The following MAP4K4 variants were observed in gnomAD, a reference collection of about 807,000 sequenced individuals.
MAP4K4 encodes the protein mitogen-activated protein kinase kinase kinase kinase 4.
MAP4K4 carries 38 observed loss-of-function variants against 189.6 expected under a neutral mutation model. The observed-to-expected ratio is 0.20, with a 90% CI of 0.15 to 0.26. The LOEUF (loss-of-function observed/expected upper bound fraction) is 0.26, where lower values mean the gene tolerates loss of function less well. MAP4K4 is among the 10% of genes least tolerant of loss of function. The pLI is 1.00. For missense variants in MAP4K4, 1,054 were observed against 1,726.9 expected (o/e 0.61, Z 6.91); for synonymous variants, 610 against 624.3 (o/e 0.98, Z 0.34).
At chr2:101,791,603 T>C (rs1250110151) in intron 3 of MAP4K4, among the ~76,000 whole-genome samples, 1 of 152,212 alleles carries the variant, frequency 6.6e-6, no homozygotes, top group African/African-American at 2.4e-5. Flanking sequence ...ATTGGAGATT[T>C]AGGATAACTT....
At chr2:101,826,411 G>C (rs1329910985) in intron 5 of MAP4K4, among the ~76,000 whole-genome samples, 1 of 152,002 alleles carries the variant, frequency 6.6e-6, no homozygotes, top group Admixed American at 6.6e-5. Context: ...CCCCTAAGAA[G>C]ACTAGTTGTG....
intron 29 of MAP4K4, 78 bp downstream of exon 29, chr2:101,885,365 G>T: frequency 1.2e-6 from 1 of 812,718 alleles, no homozygotes; most frequent in South Asian, 1.7e-5. Context: ...TGTTTAAAAA[G>T]TCTGAATGTT....
chr2:101,819,459 T>C (rs1486226525), intron 3 of MAP4K4, among the ~76,000 whole-genome samples: 1 of 152,262 alleles, frequency 6.6e-6, no homozygotes, highest in African/African-American at 2.4e-5. Context: ...AATTGGACAG[T>C]AAATGACAAT....
At position 101,859,946 on chromosome 2, in the gene MAP4K4, G is replaced by A. The variant is rs1296997911; in HGVS notation, c.1704+82G>A. 4.5e-6 allele frequency: 6 copies of A among 1,328,898 alleles called. No homozygotes were observed. The Admixed American group carries it at 7.9e-5, about 18-fold the overall frequency. 82.3% of individuals were successfully genotyped at this position (1,328,898 alleles called of 1,614,324 possible). On this transcript the variant is annotated intron_variant, in intron 15 of 32. Coordinates refer to ENST00000324219, the Ensembl canonical transcript of MAP4K4. ...TCAGAACTGTGTCATATGAGTTCTA[G>A]AACGGGCCATAGAGTTTAGCTAATT...
At chr2:101,786,414 A>G (rs969089578) in intron 2 of MAP4K4, among the ~76,000 whole-genome samples, 1 of 152,058 alleles carries the variant, frequency 6.6e-6, no homozygotes, top group Non-Finnish European at 1.5e-5. Flanking sequence ...TAAAAAAAAA[A>G]CATACATTTT....
chr2:101,738,804 G>A (rs2149723015), intron 2 of MAP4K4, among the ~76,000 whole-genome samples: 2 of 152,080 alleles, frequency 1.3e-5, no homozygotes, highest in East Asian at 3.9e-4. Flanking sequence ...AAAGATCACT[G>A]TCTGCCTGGC....
intron 2 of MAP4K4, among the ~76,000 whole-genome samples, chr2:101,785,737 T>TCC (rs2090655876): frequency 1.1e-4 from 1 of 9,016 alleles, no homozygotes; most frequent in Non-Finnish European, 1.8e-4. Flanking sequence ...TCTCTCTCTC[T>TCC]CTCTCTCTCT....
intron 1 of MAP4K4, 62 bp from the exon 2 acceptor site, chr2:101,698,411 C>A (rs922352234): frequency 7.0e-7 from 1 of 1,429,468 alleles, no homozygotes. Context: ...AACTGCCTTG[C>A]TTGATTTATT....
chr2:101,874,830 A>G (rs922917172), intron 26 of MAP4K4, among the ~76,000 whole-genome samples: 12 of 152,234 alleles, frequency 7.9e-5, no homozygotes, highest in African/African-American at 2.9e-4. Context: ...TATCATGGAG[A>G]AGTAGAAGAT....
At chr2:101,851,106 T>C (rs1175517540) in intron 12 of MAP4K4, among the ~76,000 whole-genome samples, 1 of 152,206 alleles carries the variant, frequency 6.6e-6, no homozygotes, top group Non-Finnish European at 1.5e-5. Context: ...GATGAAAGCT[T>C]TGCTTTTAAA....
intron 27 of MAP4K4, among the ~76,000 whole-genome samples, chr2:101,879,112 T>C (rs2098298799): frequency 6.7e-6 from 1 of 149,590 alleles, no homozygotes; most frequent in South Asian, 2.1e-4. Context: ...GGAGGATTGC[T>C]TTTGCCTGGG....
chr2:101,871,978 GCT>G (rs2098041434), intron 24 of MAP4K4, among the ~76,000 whole-genome samples: 1 of 152,136 alleles, frequency 6.6e-6, no homozygotes, highest in Non-Finnish European at 1.5e-5. Flanking sequence ...TAAAATGATT[GCT>G]CTGTCCTCAG....
At chr2:101,758,969 T>C (rs1054954962) in intron 2 of MAP4K4, among the ~76,000 whole-genome samples, 1 of 151,576 alleles carries the variant, frequency 6.6e-6, no homozygotes, top group Non-Finnish European at 1.5e-5. Flanking sequence ...GCGTCTCTAC[T>C]AAAAATACAA....
intron 1 of MAP4K4, 82 bp from the exon 2 acceptor site, chr2:101,698,391 T>C: frequency 7.7e-7 from 1 of 1,305,292 alleles, no homozygotes; most frequent in Non-Finnish European, 1.1e-6. Context: ...TGTCACCGCC[T>C]TTTCTCTCCA....
At chr2:101,813,320 TATG>T (rs1301366002) in intron 3 of MAP4K4, among the ~76,000 whole-genome samples, 3 of 152,158 alleles carry the variant, frequency 2.0e-5, no homozygotes, top group Non-Finnish European at 4.4e-5. Flanking sequence ...TCAGTAGTAA[TATG>T]TATTGTGTTC....
chr2:101,873,681 A>G (rs760647526), exon 25 of MAP4K4: 2 of 1,612,648 alleles, frequency 1.2e-6, no homozygotes, highest in African/African-American at 1.3e-5. Context: ...CAGAAACACA[A>G]ATCTTCCTCC....
At chr2:101,893,165 A>G in exon 33 of MAP4K4, 1 of 456,296 alleles carries the variant, frequency 2.2e-6, no homozygotes, top group South Asian at 1.5e-5. Flanking sequence ...TTTTTGAAAA[A>G]GGCCCTCCTT....
intron 2 of MAP4K4, among the ~76,000 whole-genome samples, chr2:101,755,323 A>G (rs1304781679): frequency 6.6e-6 from 1 of 152,068 alleles, no homozygotes; most frequent in East Asian, 1.9e-4. Flanking sequence ...TCACATGACC[A>G]CTGCTGGGGA....
intron 2 of MAP4K4, 44 bp from the exon 3 acceptor site, chr2:101,790,676 A>C: frequency 1.4e-6 from 2 of 1,479,704 alleles, no homozygotes; most frequent in African/African-American, 2.8e-5. Flanking sequence ...TGATTGTGCA[A>C]AAAAATTGGT....
Sources: allele counts gnomAD v4.1 joint callset (sites outside exome capture counted in the v4.1 genomes callset), GRCh38; gene constraint gnomAD v4.1.1; transcripts MANE v1.5; gene names NCBI Gene and HGNC (gene_info 2026-07-23, HGNC 2026-07-21).